EXOC6: variants seen among roughly 807,000 people sequenced by gnomAD.
EXOC6 encodes exocyst complex component 6.
A neutral mutation model predicts 112.5 loss-of-function variants in EXOC6; 60 were observed. The observed-to-expected ratio is 0.53, with a 90% confidence interval of 0.43 to 0.66. The LOEUF (loss-of-function observed/expected upper bound fraction) is 0.66, where lower values mean the gene tolerates loss of function less well. EXOC6 is among the 30% of genes least tolerant of loss of function. The pLI is 0.00. For synonymous variants in EXOC6, 295 were observed against 308.0 expected, an observed-to-expected ratio of 0.96 and a Z score of 0.44; for missense variants, 855 against 957.1, an observed-to-expected ratio of 0.89 and a Z score of 1.41.
At chr10:92,957,922 C>T (rs979231050) in intron 17 of EXOC6, among the ~76,000 whole-genome samples, 1 of 152,104 alleles carries the variant, frequency 6.6e-6, no homozygotes, top group African/African-American at 2.4e-5. Context: ...AGCCTCTTAG[C>T]CTGATTTTTT....
upstream of EXOC6, among the ~76,000 whole-genome samples, chr10:92,831,711 A>T (rs1846488527): frequency 6.6e-6 from 1 of 152,194 alleles, no homozygotes; most frequent in South Asian, 2.1e-4. Context: ...CTGGGACTAC[A>T]GGTGTGACCC....
chr10:92,847,227 T>C (rs117172025), upstream of EXOC6, among the ~76,000 whole-genome samples: 4 of 152,350 alleles, frequency 2.6e-5, no homozygotes, highest in Non-Finnish European at 4.4e-5. Flanking sequence ...GGAAAACTCA[T>C]ACACCATGGG....
chr10:92,950,310 T>C (rs1222854953), intron 14 of EXOC6, among the ~76,000 whole-genome samples: 1 of 152,136 alleles, frequency 6.6e-6, no homozygotes, highest in Non-Finnish European at 1.5e-5. Context: ...ATTTTCAACA[T>C]AAATTATGAA....
intron 17 of EXOC6, among the ~76,000 whole-genome samples, chr10:92,957,644 G>A (rs146256804): frequency 2.6e-5 from 4 of 152,104 alleles, no homozygotes; most frequent in African/African-American, 9.7e-5. Flanking sequence ...ATGCTTTTCT[G>A]TTTTCTAATA....
At chr10:93,018,739 A>C (rs1206056562) in intron 20 of EXOC6, among the ~76,000 whole-genome samples, 2 of 152,156 alleles carry the variant, frequency 1.3e-5, no homozygotes, top group Non-Finnish European at 2.9e-5. Context: ...GGTTTGTTTT[A>C]AAATACTTTA....
rs77967977 is a variant in EXOC6 at position 92,862,836 on chromosome 10, T to C, written c.101+14202T>C. Reference sequence around the variant, plus strand: ...GAGAATATGCTGCTATGAACATTCATGTACAAGTTTTGGTTGAATGCCTAT... The same window carrying C: ...GAGAATATGCTGCTATGAACATTCACGTACAAGTTTTGGTTGAATGCCTAT... On this transcript the variant is annotated intron_variant, in intron 1 of 21. Coordinates refer to ENST00000260762, the MANE Select transcript of EXOC6 (RefSeq NM_019053.6). Among the ~76,000 whole-genome samples, 500 of 152,336 alleles carry C rather than the reference T, an allele frequency of 3.3e-3. 4 individuals carry two copies. Among genetic ancestry groups the C allele is most frequent in the African/African-American group, 0.011 (463 of 41,572 alleles).
chr10:92,850,533 G>A (rs555233293), intron 1 of EXOC6, among the ~76,000 whole-genome samples: 3 of 151,878 alleles, frequency 2.0e-5, no homozygotes, highest in East Asian at 3.9e-4. Flanking sequence ...CAGGTTTCAC[G>A]AAGTGAAGTG....
rs190008262 is a variant in EXOC6 at position 92,851,273 on chromosome 10, A to G, written c.101+2639A>G. On this transcript the variant is annotated intron_variant, in intron 1 of 21. Transcript: ENST00000260762. The stretch of plus-strand genomic sequence containing the variant: ...CAGTGAGACAGAAATACAGAAAGTC[A>G]GTGAAACTCAAAACTGGTTCTTTGA... Among the ~76,000 whole-genome samples the G allele has an allele frequency of 4.1e-3, 624 of 152,340 alleles. 8 individuals carry two copies. Among genetic ancestry groups the G allele is most frequent in the African/African-American group, 0.015 (604 of 41,574 alleles).
chr10:92,974,298 T>G, intron 18 of EXOC6, 66 bp downstream of exon 18: 3 of 1,169,490 alleles, frequency 2.6e-6, no homozygotes, highest in Non-Finnish European at 3.4e-6. Flanking sequence ...AGAATTTAGT[T>G]TGAGGTTTCC....
At chr10:92,915,016 A>G (rs74149171) in intron 6 of EXOC6, among the ~76,000 whole-genome samples, 6,919 of 152,266 alleles carry the variant, frequency 0.045, 318 homozygotes, top group East Asian at 0.15. Flanking sequence ...TTTTTTGTCA[A>G]TGATCAATTG....
chr10:92,858,022 T>TCCGCC (rs1554882162), intron 1 of EXOC6, among the ~76,000 whole-genome samples: 1 of 101,272 alleles, frequency 9.9e-6, no homozygotes, highest in Non-Finnish European at 2.0e-5. Context: ...GTTGACGGGT[T>TCCGCC]CCCCCCCTCC....
At chr10:92,879,087 T>C (rs1351164829) in intron 1 of EXOC6, among the ~76,000 whole-genome samples, 3 of 152,204 alleles carry the variant, frequency 2.0e-5, no homozygotes, top group Admixed American at 2.0e-4. Flanking sequence ...AATGTTGTCT[T>C]TTCCAGGACT....
At chr10:93,039,447 C>G (rs757203720) in intron 20 of EXOC6, among the ~76,000 whole-genome samples, 2 of 152,048 alleles carry the variant, frequency 1.3e-5, no homozygotes, top group Non-Finnish European at 2.9e-5. Context: ...AAAATCTAAC[C>G]CCTGGCTCCA....
chr10:92,948,716 G>A (rs1012559940), intron 14 of EXOC6, among the ~76,000 whole-genome samples: 2 of 151,996 alleles, frequency 1.3e-5, no homozygotes, highest in South Asian at 4.1e-4. Flanking sequence ...TGTTACTAAT[G>A]TTGGGTGGAT....
chr10:92,986,720 A>T (rs1415196070), intron 18 of EXOC6, among the ~76,000 whole-genome samples: 1 of 150,610 alleles, frequency 6.6e-6, no homozygotes, highest in Admixed American at 6.6e-5. Flanking sequence ...CATATATTTT[A>T]TTATTAAAAT....
chr10:92,930,204 A>G (rs1851949679), intron 9 of EXOC6, among the ~76,000 whole-genome samples: 1 of 152,138 alleles, frequency 6.6e-6, no homozygotes, highest in South Asian at 2.1e-4. Context: ...ACAAACATCA[A>G]CAAATATAAA....
intron 7 of EXOC6, among the ~76,000 whole-genome samples, chr10:92,917,482 C>T (rs1210150383): frequency 6.7e-6 from 1 of 148,662 alleles, no homozygotes; most frequent in African/African-American, 2.5e-5. Context: ...TAAATATTTT[C>T]TTTCTTTCAT....
chr10:92,924,543 T>A (rs1851605362), intron 8 of EXOC6, among the ~76,000 whole-genome samples: 1 of 152,232 alleles, frequency 6.6e-6, no homozygotes, highest in Non-Finnish European at 1.5e-5. Context: ...CCCTGGCTAT[T>A]CATTTTTAGC....
At chr10:92,984,095 A>T (rs145465004) in intron 18 of EXOC6, among the ~76,000 whole-genome samples, 1 of 152,236 alleles carries the variant, frequency 6.6e-6, no homozygotes, top group East Asian at 1.9e-4. Context: ...GATTATGCCC[A>T]TATTGTTCCC....
Sources: allele counts gnomAD v4.1 joint callset (sites outside exome capture counted in the v4.1 genomes callset), GRCh38; gene constraint gnomAD v4.1.1; transcripts MANE v1.5; gene names NCBI Gene and HGNC (gene_info 2026-07-23, HGNC 2026-07-21).